Variants in NHS observed in about 807,000 individuals in gnomAD.
The protein encoded by NHS is NHS actin remodeling regulator.
A neutral mutation model predicts 72.5 loss-of-function variants in NHS; 5 were observed. The observed-to-expected ratio is 0.07, with a 90% CI of 0.04 to 0.14. The LOEUF (loss-of-function observed/expected upper bound fraction) is 0.14. Among genes scored for constraint, NHS ranks in the 10% least tolerant of loss-of-function variants. NHS has a pLI of 1.00. For synonymous variants in NHS, 464 were observed against 547.7 expected, an observed-to-expected ratio of 0.85 and a Z score of 2.13; for missense variants, 1,072 against 1,355.7, an observed-to-expected ratio of 0.79 and a Z score of 3.29.
At position 17,375,285 on chromosome X, in the gene NHS, G is replaced by T. The variant is rs1258664029; in HGVS notation, c.-473G>T. 6 of 292,745 alleles carry T rather than the reference G, an allele frequency of 2.0e-5. No individual in the cohort carries two copies. Among genetic ancestry groups the T allele is most frequent in the Non-Finnish European group, 3.6e-5 (6 of 168,069 alleles). The allele number at this position is 292,745 out of a possible 1,213,427, so 24.1% of individuals were successfully genotyped here. Reference sequence around the variant, plus strand: ...GCTCCCCGGAGCGGCCGAGGGGCGCGCGGGGAGAGGCCTGCGCCGGGGTAC... The same window carrying T: ...GCTCCCCGGAGCGGCCGAGGGGCGCTCGGGGAGAGGCCTGCGCCGGGGTAC... On this transcript the variant is annotated 5_prime_UTR_variant, in exon 1 of 9. Coordinates refer to ENST00000676302, the MANE Select transcript of NHS (RefSeq NM_001291867.2).
At chrX:17,718,522 GGGAGGGAAGGAAAAAAGGAA>G (rs1188914260) in intron 3 of NHS, among the ~76,000 whole-genome samples, 2 of 94,318 alleles carry the variant, frequency 2.1e-5, no homozygotes, top group Non-Finnish European at 4.2e-5. Context: ...AGGGAAGGAA[GGGAGGGAAGGAAAAAAGGAA>G]GGAGGGAAGG....
chrX:17,595,677 A>T (rs1270171235), intron 1 of NHS, among the ~76,000 whole-genome samples: 4 of 112,279 alleles, frequency 3.6e-5, no homozygotes, highest in African/African-American at 1.3e-4. Flanking sequence ...CCTTTCCTGT[A>T]TGGTCAAGAC....
intron 1 of NHS, among the ~76,000 whole-genome samples, chrX:17,513,135 C>G (rs962664217): frequency 8.9e-6 from 1 of 111,870 alleles, no homozygotes; most frequent in African/African-American, 3.3e-5. Context: ...CGAGCTGAAG[C>G]AGAATTCTGT....
At chrX:17,518,342 T>G (rs1002412573) in intron 1 of NHS, among the ~76,000 whole-genome samples, 1 of 111,796 alleles carries the variant, frequency 8.9e-6, no homozygotes. Context: ...ATGAAAACAG[T>G]AATACAATCT....
chrX:17,723,480 C>T (rs1372687612), intron 5 of NHS, among the ~76,000 whole-genome samples: 1 of 111,765 alleles, frequency 8.9e-6, no homozygotes, highest in Non-Finnish European at 1.9e-5. Flanking sequence ...ATGGTTTGCC[C>T]TCTGTGTTTA....
chrX:17,375,681 C>G lies in NHS; in HGVS notation c.-77C>G, dbSNP rs2064341426. On this transcript the variant is annotated 5_prime_UTR_variant, in exon 1 of 9. Transcript: ENST00000676302. ...TTGCCGGACTCCTGCCCCCTCCCTG[C>G]TCAGGTGGGCGCGCCCGGTCTCCAG... 1.8e-6 allele frequency: 2 copies of G among 1,085,936 alleles called. No individual in the cohort carries two copies. Among genetic ancestry groups the G allele is most frequent in the Non-Finnish European group, 2.5e-6 (2 of 813,067 alleles). The allele number at this position is 1,085,936 out of a possible 1,213,427, so 89.5% of individuals were successfully genotyped here.
rs772820033 is a variant in NHS, at chrX:17,457,511, G to C, written c.565+81189G>C. 6.3e-5 allele frequency among the ~76,000 whole-genome samples: 7 copies of C among 111,503 alleles called. No individual in the cohort carries two copies. In the East Asian group the frequency reaches 2.0e-3, roughly 31 times the overall value. On this transcript the variant is annotated intron_variant, in intron 1 of 8. Coordinates refer to ENST00000676302, the MANE Select transcript of NHS (RefSeq NM_001291867.2). Reference sequence around the variant, plus strand: ...TAAGAACTCACTCCTGGGCACCAAAGCATGCATGAGGGATCCACTCTCACA... The same window carrying C: ...TAAGAACTCACTCCTGGGCACCAAACCATGCATGAGGGATCCACTCTCACA...
intron 2 of NHS, among the ~76,000 whole-genome samples, chrX:17,690,171 T>C (rs1601837705): frequency 1.8e-5 from 2 of 112,531 alleles, no homozygotes; most frequent in Middle Eastern, 9.1e-3. Context: ...ACAAGAATTA[T>C]AGCCATCATG....
chrX:17,414,966 C>G (rs1358693920), intron 1 of NHS, among the ~76,000 whole-genome samples: 1 of 111,127 alleles, frequency 9.0e-6, no homozygotes, highest in Non-Finnish European at 1.9e-5. Flanking sequence ...TCTCTGTTGC[C>G]CTTGGCAACA....
chrX:17,603,924 G>A (rs2065665318), intron 1 of NHS, among the ~76,000 whole-genome samples: 1 of 110,996 alleles, frequency 9.0e-6, no homozygotes, highest in South Asian at 3.9e-4. Flanking sequence ...ATTCCTGAAG[G>A]GCTATGAGTT....
At chrX:17,612,051 C>T (rs1040908413) in intron 1 of NHS, among the ~76,000 whole-genome samples, 2 of 107,318 alleles carry the variant, frequency 1.9e-5, no homozygotes, top group African/African-American at 6.9e-5. Context: ...GCCCCCTACA[C>T]CCCCAGCATG....
intron 1 of NHS, among the ~76,000 whole-genome samples, chrX:17,526,364 CT>C (rs1249552342): frequency 3.6e-5 from 4 of 112,406 alleles, no homozygotes; most frequent in South Asian, 3.7e-4. Flanking sequence ...GATGTTCCCC[CT>C]GGCAGTGTCC....
intron 1 of NHS, among the ~76,000 whole-genome samples, chrX:17,481,081 T>C (rs1204073152): frequency 2.7e-5 from 3 of 111,639 alleles, no homozygotes; most frequent in African/African-American, 9.8e-5. Flanking sequence ...TAAAAACATC[T>C]CATCAAACAC....
At chrX:17,520,918 A>G (rs1030971346) in intron 1 of NHS, among the ~76,000 whole-genome samples, 1 of 111,435 alleles carries the variant, frequency 9.0e-6, no homozygotes, top group African/African-American at 3.3e-5. Context: ...CAGGGAGCTC[A>G]TTAGAAACAA....
intron 1 of NHS, among the ~76,000 whole-genome samples, chrX:17,384,236 C>T (rs182871569): frequency 8.9e-6 from 1 of 112,043 alleles, no homozygotes; most frequent in Non-Finnish European, 1.9e-5. Context: ...AGTGTGTTCT[C>T]TTGGATGTTT....
chrX:17,434,271 T>G (rs1383573347), intron 1 of NHS, among the ~76,000 whole-genome samples: 1 of 111,217 alleles, frequency 9.0e-6, no homozygotes, highest in African/African-American at 3.3e-5. Context: ...GGAAAACTAG[T>G]CAATCTCTGC....
chrX:17,681,029 A>C (rs1320349237), intron 1 of NHS, among the ~76,000 whole-genome samples: 1 of 111,749 alleles, frequency 8.9e-6, no homozygotes, highest in East Asian at 2.8e-4. Flanking sequence ...AATGCTGTCC[A>C]AGTCAATAGA....
At chrX:17,675,843 ATCT>A (rs2066076393) in intron 1 of NHS, among the ~76,000 whole-genome samples, 1 of 112,206 alleles carries the variant, frequency 8.9e-6, no homozygotes, top group Non-Finnish European at 1.9e-5. Flanking sequence ...ATGTATTTAT[ATCT>A]TCTTTGTTGG....
chrX:17,453,198 G>A (rs1386903662), intron 1 of NHS, among the ~76,000 whole-genome samples: 1 of 110,719 alleles, frequency 9.0e-6, no homozygotes, highest in African/African-American at 3.3e-5. Flanking sequence ...GTAGCTCACT[G>A]AGTTCCTTTT....
Sources: allele counts gnomAD v4.1 joint callset (sites outside exome capture counted in the v4.1 genomes callset), GRCh38; gene constraint gnomAD v4.1.1; transcripts MANE v1.5; gene names NCBI Gene and HGNC (gene_info 2026-07-23, HGNC 2026-07-21).